The following PPP1R35 variants were observed in gnomAD, a reference collection of about 807,000 sequenced individuals.
The protein encoded by PPP1R35 is UPF0683 protein C7orf47.
A neutral mutation model predicts 22.2 loss-of-function variants in PPP1R35; 23 were observed. The observed-to-expected ratio is 1.04, with a 90% CI of 0.75 to 1.47. PPP1R35 has a LOEUF of 1.47. Ranked by LOEUF, PPP1R35 falls within the 40% of genes most tolerant of loss-of-function variation. The probability of loss-of-function intolerance (pLI) is 0.00; values close to 1 mark genes in which losing one functional copy is unlikely to be tolerated. For missense variants in PPP1R35, 409 were observed against 349.6 expected (o/e 1.17, Z -1.36); for synonymous variants, 198 against 165.7 (o/e 1.19, Z -1.50).
chr7:100,435,760 G>C lies in PPP1R35; in HGVS notation c.459C>G (p.Asn153Lys). Reference sequence around the variant, plus strand: ...GGAAGAGCCGCTTGGAGCGCGGCACGTTCAGCCCTGAGAGCGCAGCGGGGA... The same window carrying C: ...GGAAGAGCCGCTTGGAGCGCGGCACCTTCAGCCCTGAGAGCGCAGCGGGGA... ...GLEESVSEGL[N>K]VPRSKRLFRD... The change falls in exon 3 of 4, where the codon AAC becomes AAG. Residue 153 changes from asparagine (N) to lysine (K), a missense_variant. Physicochemically the swap from Asn to Lys is moderately conservative, Grantham distance 94. Transcript: ENST00000292330. The C allele has an allele frequency of 6.3e-7, 1 of 1,599,848 alleles. No homozygotes were observed. Among genetic ancestry groups the C allele is most frequent in the Non-Finnish European group, 8.5e-7 (1 of 1,177,344 alleles).
At position 100,435,872 on chromosome 7, in the gene PPP1R35, C is replaced by T. The variant is rs761181493; in HGVS notation, c.427G>A (p.Gly143Ser). 2 of 1,595,826 alleles carry T rather than the reference C, an allele frequency of 1.3e-6. No homozygotes were observed. The highest frequency in any genetic ancestry group is 2.7e-5 in the African/African-American group (2 of 74,916). The change falls in exon 2 of 4, where the codon GGC becomes AGC. Residue 143 changes from glycine to serine, a missense_variant. Coordinates refer to ENST00000292330, the MANE Select transcript of PPP1R35 (RefSeq NM_145030.4). The stretch of plus-strand genomic sequence containing the variant: ...CCCTCGGACACGCTCTCCTCCAGGC[C>T]GCAGCGGATCTGGAACGACTTTCTC... ...QLRKSFQIRC[G>S]LEESVSEGLN...
Position 100,436,309 on chromosome 7 carries a change from C to A in PPP1R35, c.66G>T (p.Pro22=). The change falls in exon 1 of 4, where the codon CCG becomes CCT. Residue 22 remains proline, a synonymous_variant. Coordinates refer to ENST00000292330, the MANE Select transcript of PPP1R35 (RefSeq NM_145030.4). ...GGACTTGGGGCTCCGGGGGTGGCCCCGGGACCGCCGCGGCTTCTTCCCCGT... is the reference window on the plus strand; with the variant it reads ...GGACTTGGGGCTCCGGGGGTGGCCCAGGGACCGCCGCGGCTTCTTCCCCGT... ...SADGEEAAAV[P]GPPPEPQVPQ... is the part of the protein sequence containing the mutation. 1 of 1,387,200 alleles carries A rather than the reference C, an allele frequency of 7.2e-7. No homozygotes were observed. Among genetic ancestry groups the A allele is most frequent in the Non-Finnish European group, 9.4e-7 (1 of 1,062,422 alleles). The allele number at this position is 1,387,200 out of a possible 1,614,324, so 85.9% of individuals were successfully genotyped here. A position where few individuals can be genotyped will look rare whatever the true frequency, so the allele number is the denominator to read the frequency against.
At position 100,435,292 on chromosome 7, in the gene PPP1R35, A is replaced by G. The variant is rs1001553730; in HGVS notation, c.*68T>C. 17 of 1,504,352 alleles carry G rather than the reference A, an allele frequency of 1.1e-5. No homozygotes were observed. The African/African-American group carries it at 2.0e-4, about 17-fold the overall frequency. The allele number at this position is 1,504,352 out of a possible 1,614,324, so 93.2% of individuals were successfully genotyped here. A position where few individuals can be genotyped will look rare whatever the true frequency, so the allele number is the denominator to read the frequency against. On this transcript the variant is annotated 3_prime_UTR_variant, in exon 4 of 4. Coordinates refer to ENST00000292330, the MANE Select transcript of PPP1R35 (RefSeq NM_145030.4). ...CCAAGAAGAGTCCCATTTATTAGCA[A>G]AATTACTTTATTCTAACAAATAGTT...
Position 100,436,186 on chromosome 7 carries a change from C to T in PPP1R35, c.189G>A (p.Arg63=). The T allele has an allele frequency of 8.1e-7, 1 of 1,238,546 alleles. No homozygotes were observed. Among genetic ancestry groups the T allele is most frequent in the Non-Finnish European group, 1.0e-6 (1 of 994,088 alleles). The allele number at this position is 1,238,546 out of a possible 1,614,324, so 76.7% of individuals were successfully genotyped here. A position where few individuals can be genotyped will look rare whatever the true frequency, so the allele number is the denominator to read the frequency against. ...PQPRHGSPGR[R]KGRAERRGAA... ...CGCCCCGCCGCTCCGCCCGCCCCTT[C>T]CGCCGCCCGGGGCTGCCGTGCCGCG... Residue 63 remains arginine (R), a synonymous_variant, in exon 1 of 4, where the codon CGG becomes CGA. Coordinates refer to ENST00000292330, the MANE Select transcript of PPP1R35 (RefSeq NM_145030.4).
Position 100,436,457 on chromosome 7 carries a change from CT to C in PPP1R35, c.-84del. 2.9e-6 allele frequency: 3 copies of C among 1,041,326 alleles called. No individual in the cohort carries two copies. The highest frequency in any genetic ancestry group is 1.9e-5 in the South Asian group (1 of 52,014). 64.5% of individuals were successfully genotyped at this position (1,041,326 alleles called of 1,614,324 possible). On this transcript the variant is annotated 5_prime_UTR_variant, in exon 1 of 4. Coordinates refer to ENST00000292330, the MANE Select transcript of PPP1R35 (RefSeq NM_145030.4). ...GGGGACACAGCCTGGCTGCCGCCTC[CT>C]TTCCCCCGCCCCTCCTAGACGCCGC... is the stretch of plus-strand genomic sequence containing the variant.
Position 100,435,310 on chromosome 7 carries a change from A to G in PPP1R35, c.*50T>C, listed in dbSNP as rs1388546777. 6.5e-7 allele frequency: 1 copy of G among 1,538,628 alleles called. No individual in the cohort carries two copies. The highest frequency in any genetic ancestry group is 1.4e-5 in the African/African-American group (1 of 71,734). On this transcript the variant is annotated 3_prime_UTR_variant, in exon 4 of 4. Coordinates refer to ENST00000292330, the MANE Select transcript of PPP1R35 (RefSeq NM_145030.4). ...ATTAGCAAAATTACTTTATTCTAAC[A>G]AATAGTTTAACACAAAAATACGAAC...
chr7:100,435,767 C>T lies in PPP1R35; in HGVS notation c.452G>A (p.Gly151Glu). The change falls in exon 3 of 4, where the codon GGG becomes GAG. Residue 151 changes from glycine (G) to glutamate (E), a missense_variant and splice_region_variant. Coordinates refer to ENST00000292330, the MANE Select transcript of PPP1R35 (RefSeq NM_145030.4). ...RCGLEESVSE[G>E]LNVPRSKRLF... ...CCGCTTGGAGCGCGGCACGTTCAGC[C>T]CTGAGAGCGCAGCGGGGACGGAGGT... 5 of 1,598,854 alleles carry T rather than the reference C, an allele frequency of 3.1e-6. No individual in the cohort carries two copies. The highest frequency in any genetic ancestry group is 1.7e-5 in the Admixed American group (1 of 58,564).
At chr7:100,435,565 C>A in intron 3 of PPP1R35, 32 bp from the exon 4 acceptor site, 1 of 1,614,202 alleles carries the variant, frequency 6.2e-7, no homozygotes. Flanking sequence ...AGCAAGGTTA[C>A]ACTTTGGGAG....
upstream of PPP1R35, chr7:100,436,666 C>A: frequency 3.3e-6 from 1 of 305,428 alleles, no homozygotes; most frequent in Non-Finnish European, 6.0e-6. Flanking sequence ...GGCACCGCCC[C>A]CAAGCCGAAG....
Position 100,435,516 on chromosome 7 carries a change from C to T in PPP1R35, c.606G>A (p.Gly202=), listed in dbSNP as rs1798846444. 1.2e-6 allele frequency: 2 copies of T among 1,614,000 alleles called. No individual in the cohort carries two copies. Among genetic ancestry groups the T allele is most frequent in the Non-Finnish European group, 1.7e-6 (2 of 1,180,010 alleles). Residue 202 remains glycine (G), a synonymous_variant, in exon 4 of 4, where the codon GGG becomes GGA. Coordinates refer to ENST00000292330, the MANE Select transcript of PPP1R35 (RefSeq NM_145030.4). ...GGTCACACAAGATGGTCATGTCTGGCCCAGGCCCAGGTGGCTCCTGTTGGG... is the reference window on the plus strand; with the variant it reads ...GGTCACACAAGATGGTCATGTCTGGTCCAGGCCCAGGTGGCTCCTGTTGGG... The part of the protein sequence containing the change: ...APHPKEPPGP[G]PDMTILCDPE...
In PPP1R35 at chr7:100,435,953, G is replaced by A. The variant is rs1798871429; in HGVS notation, c.346C>T (p.Leu116=). 1 of 1,589,978 alleles carries A rather than the reference G, an allele frequency of 6.3e-7. No homozygotes were observed. Among genetic ancestry groups the A allele is most frequent in the Non-Finnish European group, 8.5e-7 (1 of 1,173,878 alleles). The change falls in exon 2 of 4, where the codon CTG becomes TTG. Residue 116 remains leucine (L), a synonymous_variant. Coordinates refer to ENST00000292330, the MANE Select transcript of PPP1R35 (RefSeq NM_145030.4). The part of the protein sequence containing the change: ...LKSSLALGLE[L]RAAAGSHFDA... Reference sequence around the variant, plus strand: ...AAGTGGCTCCCGGCTGCGGCCCGCAGCTCCAGGCCCAAGGCCAGGCTGCTC... The same window carrying A: ...AAGTGGCTCCCGGCTGCGGCCCGCAACTCCAGGCCCAAGGCCAGGCTGCTC...
chr7:100,435,363 CGCT>C lies in PPP1R35; in HGVS notation c.756_758del (p.Ala253del). The stretch of plus-strand genomic sequence containing the variant: ...GCCCTCCAGGGATCTTTGGGGTCTA[CGCT>C]TCCCATCGCCTCAGTGTCCGGTGCA... On this transcript the variant is annotated inframe_deletion, in exon 4 of 4. Transcript: ENST00000292330. 6.3e-7 allele frequency: 1 copy of C among 1,595,088 alleles called. No individual in the cohort carries two copies. The highest frequency in any genetic ancestry group is 1.1e-5 in the South Asian group (1 of 88,612).
chr7:100,436,090 C>T lies in PPP1R35; in HGVS notation c.235-26G>A, dbSNP rs138035052. Reference sequence around the variant, plus strand: ...CTGGGAGCAGAGGGCAGGGCAGTGACCAGGTGGGCGCGAGGCCGTCGCGGG... The same window carrying T: ...CTGGGAGCAGAGGGCAGGGCAGTGATCAGGTGGGCGCGAGGCCGTCGCGGG... On this transcript the variant is annotated intron_variant, in intron 1 of 3. Coordinates refer to ENST00000292330, the MANE Select transcript of PPP1R35 (RefSeq NM_145030.4). 13 of 1,495,862 alleles carry T rather than the reference C, an allele frequency of 8.7e-6. No homozygotes were observed. The East Asian group carries it at 1.9e-4, about 22-fold the overall frequency. 92.7% of individuals were successfully genotyped at this position (1,495,862 alleles called of 1,614,324 possible).
At position 100,435,985 on chromosome 7, in the gene PPP1R35, A is replaced by T; in HGVS notation, c.314T>A (p.Val105Glu). Reference sequence around the variant, plus strand: ...GCCCAAGGCCAGGCTGCTCTTCAGCACGGGCATCTCCAGCTCCTGCGGCAC... The same window carrying T: ...GCCCAAGGCCAGGCTGCTCTTCAGCTCGGGCATCTCCAGCTCCTGCGGCAC... ...PAVPQELEMP[V>E]LKSSLALGLE... The change falls in exon 2 of 4, where the codon GTG becomes GAG. Residue 105 changes from valine (V) to glutamate (E), a missense_variant. Coordinates refer to ENST00000292330, the MANE Select transcript of PPP1R35 (RefSeq NM_145030.4). The T allele has an allele frequency of 6.4e-7, 1 of 1,567,662 alleles. No homozygotes were observed. The highest frequency in any genetic ancestry group is 8.6e-7 in the Non-Finnish European group (1 of 1,163,074).
chr7:100,435,641 G>T lies in PPP1R35; in HGVS notation c.578C>A (p.Pro193Gln). 1 of 1,612,112 alleles carries T rather than the reference G, an allele frequency of 6.2e-7. No individual in the cohort carries two copies. The highest frequency in any genetic ancestry group is 1.3e-5 in the African/African-American group (1 of 75,062). ...LALLPPQARA[P>Q]HPKEPPGPGP... ...CCCAGACCCCATCACCTTTGGGTGC[G>T]GGGCTCGAGCCTGTGGCGGCAGGAG... Residue 193 changes from proline to glutamine, a missense_variant, in exon 3 of 4, where the codon CCG (proline) becomes CAG (glutamine). Pro to Gln is a moderately conservative substitution (Grantham distance 76). Coordinates refer to ENST00000292330, the MANE Select transcript of PPP1R35 (RefSeq NM_145030.4).
At position 100,435,473 on chromosome 7, in the gene PPP1R35, C is replaced by A. The variant is rs928441766; in HGVS notation, c.649G>T (p.Glu217Ter). 8 of 1,613,816 alleles carry A rather than the reference C, an allele frequency of 5.0e-6. No homozygotes were observed. The highest frequency in any genetic ancestry group is 2.2e-5 in the East Asian group (1 of 44,888). Reference sequence around the variant, plus strand: ...CCGTCCAGGGTCAGGTGTGGAGATTCATAAAATAGCGTTTCTGGGTCACAC... The same window carrying A: ...CCGTCCAGGGTCAGGTGTGGAGATTAATAAAATAGCGTTTCTGGGTCACAC... ...ILCDPETLFY[E>*]SPHLTLDGLP... Residue 217 changes from glutamate to a stop codon, truncating the protein, a stop_gained, in exon 4 of 4, where the codon GAA becomes TAA. Coordinates refer to ENST00000292330, the MANE Select transcript of PPP1R35 (RefSeq NM_145030.4). LOFTEE classifies it high-confidence loss of function.
chr7:100,435,575 G>A (rs762737210), intron 3 of PPP1R35, 42 bp from the exon 4 acceptor site: 11 of 1,614,062 alleles, frequency 6.8e-6, no homozygotes, highest in African/African-American at 6.7e-5. Context: ...CACTTTGGGA[G>A]GAAGGATCCG....
chr7:100,436,087 T>A, intron 1 of PPP1R35, 23 bp from the exon 2 acceptor site: 1 of 1,496,820 alleles, frequency 6.7e-7, no homozygotes, highest in Non-Finnish European at 8.8e-7. Context: ...GGCAGGGCAG[T>A]GACCAGGTGG....
chr7:100,436,427 G>T lies in PPP1R35; in HGVS notation c.-53C>A. 1 of 1,339,506 alleles carries T rather than the reference G, an allele frequency of 7.5e-7. No homozygotes were observed. Among genetic ancestry groups the T allele is most frequent in the Non-Finnish European group, 1.0e-6 (1 of 1,001,308 alleles). 83.0% of individuals were successfully genotyped at this position (1,339,506 alleles called of 1,614,324 possible). A position where few individuals can be genotyped will look rare whatever the true frequency, so the allele number is the denominator to read the frequency against. On this transcript the variant is annotated 5_prime_UTR_variant, in exon 1 of 4. Transcript: ENST00000292330. ...ATGCGGGGGTCGCAGACGCTCCAAC[G>T]GTCAGGGGACACAGCCTGGCTGCCG...
Sources: allele counts gnomAD v4.1 joint callset, GRCh38; gene constraint gnomAD v4.1.1; transcripts MANE v1.5; gene names NCBI Gene and HGNC (gene_info 2026-07-23, HGNC 2026-07-21).